Variants in ROBO1 observed in about 807,000 individuals in gnomAD.
ROBO1 encodes the protein roundabout homolog 1.
In ROBO1, 149 loss-of-function variants were observed where a neutral mutation model predicts 195.9. The ratio of observed to expected loss-of-function variants is 0.76; its 90% CI spans 0.67 to 0.87. The LOEUF (loss-of-function observed/expected upper bound fraction) is 0.87, where lower values mean the gene tolerates loss of function less well. Ranked by LOEUF, ROBO1 falls within the 40% of genes least tolerant of loss-of-function variation. ROBO1 has a pLI of 0.00. For synonymous variants in ROBO1, 816 were observed against 733.2 expected, an observed-to-expected ratio of 1.11 and a Z score of -1.82; for missense variants, 1,933 against 2,068.3, an observed-to-expected ratio of 0.93 and a Z score of 1.27.
At chr3:78,808,024 C>A (rs1019503746) in intron 4 of ROBO1, among the ~76,000 whole-genome samples, 1 of 152,016 alleles carries the variant, frequency 6.6e-6, no homozygotes. Flanking sequence ...TGAAACTTGT[C>A]CATTTTTCAT....
intron 1 of ROBO1, among the ~76,000 whole-genome samples, chr3:79,704,581 A>G (rs1170901929): frequency 1.3e-5 from 2 of 151,808 alleles, no homozygotes; most frequent in African/African-American, 4.8e-5. Context: ...GTATCCTTTC[A>G]TTTGCTGAAA....
chr3:79,012,155 A>G (rs994078902), intron 3 of ROBO1, among the ~76,000 whole-genome samples: 2 of 152,208 alleles, frequency 1.3e-5, no homozygotes, highest in Non-Finnish European at 2.9e-5. Flanking sequence ...TTTCTAGTAA[A>G]CCTTGCTCTA....
At chr3:78,632,374 A>C (rs1705236408) in intron 24 of ROBO1, among the ~76,000 whole-genome samples, 1 of 152,212 alleles carries the variant, frequency 6.6e-6, no homozygotes, top group South Asian at 2.1e-4. Flanking sequence ...GGCTAGGGAC[A>C]GGCTGTTATT....
intron 5 of ROBO1, among the ~76,000 whole-genome samples, chr3:78,720,950 TG>T (rs1218794618): frequency 2.0e-3 from 260 of 127,700 alleles, no homozygotes; most frequent in Middle Eastern, 0.012. Flanking sequence ...GTTGTGGGGT[TG>T]GGGGGGGGGC....
chr3:79,047,372 TAAAA>T (rs201593441), intron 3 of ROBO1, among the ~76,000 whole-genome samples: 2 of 150,838 alleles, frequency 1.3e-5, no homozygotes, highest in Admixed American at 1.3e-4. Flanking sequence ...GAAGGACTGT[TAAAA>T]AAAAAGTGCC....
intron 3 of ROBO1, among the ~76,000 whole-genome samples, chr3:79,072,080 T>C (rs1273603190): frequency 6.6e-6 from 1 of 151,882 alleles, no homozygotes. Context: ...TGTAAATAAA[T>C]TAAATCTTTC....
At chr3:79,041,998 T>C (rs927934764) in intron 3 of ROBO1, among the ~76,000 whole-genome samples, 1 of 152,156 alleles carries the variant, frequency 6.6e-6, no homozygotes, top group Non-Finnish European at 1.5e-5. Context: ...TTGGCTCTGT[T>C]TGGTAACACC....
intron 8 of ROBO1, among the ~76,000 whole-genome samples, chr3:78,713,042 T>G (rs1325040655): frequency 6.6e-6 from 1 of 152,202 alleles, no homozygotes; most frequent in African/African-American, 2.4e-5. Context: ...GAACTTGGAT[T>G]TGACACCTCT....
At chr3:79,248,118 G>T (rs1458765745) in intron 2 of ROBO1, among the ~76,000 whole-genome samples, 1 of 151,960 alleles carries the variant, frequency 6.6e-6, no homozygotes, top group Non-Finnish European at 1.5e-5. Context: ...GGATAGATTT[G>T]GGGGAAAAAT....
chr3:79,681,261 A>C (rs1424225789), intron 1 of ROBO1, among the ~76,000 whole-genome samples: 1 of 151,974 alleles, frequency 6.6e-6, no homozygotes, highest in Non-Finnish European at 1.5e-5. Context: ...CAAAGAATGG[A>C]ATGGAGGATG....
intron 3 of ROBO1, among the ~76,000 whole-genome samples, chr3:79,088,338 T>C (rs1202720214): frequency 2.0e-5 from 3 of 152,280 alleles, no homozygotes; most frequent in South Asian, 4.1e-4. Context: ...ACTTTGCCTG[T>C]AACTCTGGTG....
At chr3:79,704,141 AGG>A (rs1947699161) in intron 1 of ROBO1, among the ~76,000 whole-genome samples, 1 of 151,982 alleles carries the variant, frequency 6.6e-6, no homozygotes, top group South Asian at 2.1e-4. Context: ...CACTGTACAC[AGG>A]CATAGCCTCC....
chr3:79,361,235 T>C (rs2035757713), intron 2 of ROBO1, among the ~76,000 whole-genome samples: 1 of 152,012 alleles, frequency 6.6e-6, no homozygotes, highest in Admixed American at 6.6e-5. Flanking sequence ...GTATAACGTA[T>C]CTTTTTTTCA....
chr3:79,139,949 C>T (rs2080489924), intron 2 of ROBO1, among the ~76,000 whole-genome samples: 1 of 152,118 alleles, frequency 6.6e-6, no homozygotes, highest in Non-Finnish European at 1.5e-5. Flanking sequence ...ACAAATACAT[C>T]CTACATTTTC....
intron 4 of ROBO1, among the ~76,000 whole-genome samples, chr3:78,909,771 A>C (rs2038138587): frequency 6.6e-6 from 1 of 151,816 alleles, no homozygotes. Flanking sequence ...CTAGGGAAAA[A>C]AGTCTTTTTT....
intron 1 of ROBO1, among the ~76,000 whole-genome samples, chr3:79,759,722 A>C (rs1278359968): frequency 2.6e-5 from 4 of 152,186 alleles, no homozygotes; most frequent in Non-Finnish European, 5.9e-5. Context: ...ACTTTGGTTC[A>C]TTAACATTGT....
intron 2 of ROBO1, among the ~76,000 whole-genome samples, chr3:79,230,738 T>C (rs982504206): frequency 2.0e-5 from 3 of 152,024 alleles, no homozygotes; most frequent in African/African-American, 7.2e-5. Flanking sequence ...ACATTCTTTA[T>C]ACGAGACCAA....
chr3:79,122,688 A>T (rs956364306), intron 3 of ROBO1, among the ~76,000 whole-genome samples: 1 of 151,970 alleles, frequency 6.6e-6, no homozygotes, highest in African/African-American at 2.4e-5. Context: ...ATCAGAACAG[A>T]TGTTGTAGTA....
intron 1 of ROBO1, among the ~76,000 whole-genome samples, chr3:79,642,958 G>C (rs1429445989): frequency 1.3e-5 from 2 of 152,076 alleles, no homozygotes; most frequent in Non-Finnish European, 2.9e-5. Flanking sequence ...TGGGTTGAAG[G>C]ATGCAAATTA....
Sources: allele counts gnomAD v4.1 joint callset (sites outside exome capture counted in the v4.1 genomes callset), GRCh38; gene constraint gnomAD v4.1.1; transcripts MANE v1.5; gene names NCBI Gene and HGNC (gene_info 2026-07-23, HGNC 2026-07-21).